DRG1: variants seen among roughly 807,000 people sequenced by gnomAD.
The protein encoded by DRG1 is developmentally-regulated GTP-binding protein 1.
DRG1 carries 19 observed loss-of-function variants against 38.8 expected under a neutral mutation model. That is an observed-to-expected ratio of 0.49 (90% CI 0.34 to 0.72). The LOEUF (loss-of-function observed/expected upper bound fraction) is 0.72, where lower values mean the gene tolerates loss of function less well. Among genes scored for constraint, DRG1 ranks in the 30% least tolerant of loss-of-function variants. The probability of loss-of-function intolerance (pLI) is 0.01; values close to 1 mark genes in which losing one functional copy is unlikely to be tolerated. For missense variants in DRG1, 299 were observed against 444.8 expected (o/e 0.67, Z 2.95); for synonymous variants, 167 against 157.5 (o/e 1.06, Z -0.45).
intron 8 of DRG1, among the ~76,000 whole-genome samples, chr22:31,432,002 A>G (rs1382555103): frequency 2.0e-5 from 3 of 151,930 alleles, no homozygotes; most frequent in Non-Finnish European, 4.4e-5. Context: ...GATAAGAAAC[A>G]TATCGAAGCA....
chr22:31,408,591 T>TAAATAAAAAA (rs896153945), intron 3 of DRG1, among the ~76,000 whole-genome samples: 1 of 151,492 alleles, frequency 6.6e-6, no homozygotes, highest in African/African-American at 2.4e-5. Context: ...CTACTAAAAA[T>TAAATAAAAAA]ACATAAAAAA....
chr22:31,420,311 A>C lies in DRG1; in HGVS notation c.468A>C (p.Gly156=), dbSNP rs2050069643. The change falls in exon 5 of 9, where the codon GGA becomes GGC. Residue 156 remains glycine (G), a synonymous_variant. Coordinates refer to ENST00000331457, the MANE Select transcript of DRG1 (RefSeq NM_004147.4). ...TTCTGGATGTCCTGAAACCTTTGGG[A>C]CATAAGAAGATAATTGAAAATGAGC... ...LIVLDVLKPL[G]HKKIIENELE... is the part of the protein sequence containing the mutation. The C allele has an allele frequency of 6.2e-7, 1 of 1,614,128 alleles. No homozygotes were observed. Among genetic ancestry groups the C allele is most frequent in the African/African-American group, 1.3e-5 (1 of 75,024 alleles).
intron 6 of DRG1, among the ~76,000 whole-genome samples, chr22:31,425,023 A>G (rs2050102155): frequency 6.7e-6 from 1 of 150,164 alleles, no homozygotes; most frequent in Non-Finnish European, 1.5e-5. Flanking sequence ...GGCTGGTCTC[A>G]AACCTCAGGC....
At chr22:31,400,005 C>G (rs1392684218) in intron 1 of DRG1, among the ~76,000 whole-genome samples, 2 of 152,136 alleles carry the variant, frequency 1.3e-5, no homozygotes, top group African/African-American at 4.8e-5. Context: ...AGTCCGTTCC[C>G]CCTCCCAGTG....
At chr22:31,408,752 C>CAAAAAA (rs66474618) in intron 3 of DRG1, among the ~76,000 whole-genome samples, 2 of 111,490 alleles carry the variant, frequency 1.8e-5, no homozygotes, top group Non-Finnish European at 3.5e-5. Flanking sequence ...GACTCATTCT[C>CAAAAAA]AAAAAAAAAA....
At position 31,424,729 on chromosome 22, in the gene DRG1, T is replaced by A. The variant is rs929580994; in HGVS notation, c.713+1319T>A. Among the ~76,000 whole-genome samples the A allele has an allele frequency of 2.7e-5, 4 of 147,726 alleles. No individual in the cohort carries two copies. The East Asian group carries it at 6.0e-4, about 22-fold the overall frequency. ...CCAGGCTGGTCTTGAACTCCTGACT[T>A]CAGGTGATCTACCCACCTCAGCCTC... On this transcript the variant is annotated intron_variant, in intron 6 of 8. Transcript: ENST00000331457.
At chr22:31,419,958 G>A (rs1305338111) in intron 4 of DRG1, among the ~76,000 whole-genome samples, 5 of 152,090 alleles carry the variant, frequency 3.3e-5, no homozygotes, top group Non-Finnish European at 5.9e-5. Flanking sequence ...GAGGAGAATC[G>A]CTTGAACCCG....
intron 7 of DRG1, 103 bp from the exon 8 acceptor site, chr22:31,426,957 G>A: frequency 6.5e-7 from 1 of 1,539,542 alleles, no homozygotes; most frequent in Non-Finnish European, 8.8e-7. Context: ...CCTTAAGTTG[G>A]AGGTTGTCCT....
chr22:31,402,366 ACT>A (rs761945246), intron 2 of DRG1, among the ~76,000 whole-genome samples: 6 of 151,336 alleles, frequency 4.0e-5, no homozygotes, highest in African/African-American at 7.3e-5. Flanking sequence ...CAAAAACAAA[ACT>A]CTTTTTAATT....
chr22:31,401,120 C>G (rs529166038), intron 2 of DRG1, among the ~76,000 whole-genome samples: 4 of 151,546 alleles, frequency 2.6e-5, no homozygotes, highest in African/African-American at 9.7e-5. Context: ...TGCACTGATA[C>G]AAAATAGATT....
At position 31,426,600 on chromosome 22, in the gene DRG1, C is replaced by T. The variant is rs1291076266; in HGVS notation, c.714-15C>T. The T allele has an allele frequency of 6.3e-7, 1 of 1,598,836 alleles. No individual in the cohort carries two copies. Among genetic ancestry groups the T allele is most frequent in the South Asian group, 1.1e-5 (1 of 88,540 alleles). ...AACTCCAGACTAATACCCTGTTTTT[C>T]TTCACTTTCTGTAGAGTTTATATCC... On this transcript the variant is annotated splice_polypyrimidine_tract_variant and intron_variant, in intron 6 of 8. Transcript: ENST00000331457.
chr22:31,429,758 G>T (rs1043094386), intron 8 of DRG1, among the ~76,000 whole-genome samples: 3 of 151,904 alleles, frequency 2.0e-5, no homozygotes, highest in African/African-American at 7.3e-5. Context: ...GCCTCAGCCT[G>T]CCTCAGCCTC....
At position 31,430,829 on chromosome 22, in the gene DRG1, C is replaced by G. The variant is rs1264513655; in HGVS notation, c.1005-3043C>G. Among the ~76,000 whole-genome samples, 4 of 152,036 alleles carry G rather than the reference C, an allele frequency of 2.6e-5. No homozygotes were observed. In the East Asian group the frequency reaches 5.8e-4, roughly 22 times the overall value. On this transcript the variant is annotated intron_variant, in intron 8 of 8. Coordinates refer to ENST00000331457, the MANE Select transcript of DRG1 (RefSeq NM_004147.4). ...GACTTCCCAGGCTCAAGCGATCCTC[C>G]TACCTCAGTTTCTGAATAGCTGAGA...
chr22:31,399,667 A>G lies in DRG1; in HGVS notation c.-17A>G, dbSNP rs957141612. ...TGTGAAGGGAGACAGTGTGGAGGCCACAGGGTACTCGCCACGATGAGCAGC... is the reference window on the plus strand; with the variant it reads ...TGTGAAGGGAGACAGTGTGGAGGCCGCAGGGTACTCGCCACGATGAGCAGC... On this transcript the variant is annotated 5_prime_UTR_variant, in exon 1 of 9. Transcript: ENST00000331457. 6.2e-7 allele frequency: 1 copy of G among 1,614,050 alleles called. No individual in the cohort carries two copies.
At chr22:31,427,542 AC>A (rs931828066) in intron 8 of DRG1, among the ~76,000 whole-genome samples, 3 of 152,160 alleles carry the variant, frequency 2.0e-5, no homozygotes, top group African/African-American at 4.8e-5. Context: ...CTAATCTCTT[AC>A]ATTTTTCACT....
intron 4 of DRG1, among the ~76,000 whole-genome samples, chr22:31,411,931 C>T (rs1478065034): frequency 1.3e-5 from 2 of 151,880 alleles, no homozygotes; most frequent in African/African-American, 4.8e-5. Context: ...CTGTTGAGTC[C>T]AATAGTTAGA....
chr22:31,402,194 G>T (rs1456032972), intron 2 of DRG1, among the ~76,000 whole-genome samples: 1 of 152,100 alleles, frequency 6.6e-6, no homozygotes, highest in African/African-American at 2.4e-5. Flanking sequence ...AGCCAAGCGA[G>T]ATAAGATTTA....
chr22:31,426,050 A>G (rs996123879), intron 6 of DRG1, among the ~76,000 whole-genome samples: 51 of 152,208 alleles, frequency 3.4e-4, no homozygotes, highest in African/African-American at 1.2e-3. Flanking sequence ...TTGTACCAAT[A>G]AATAAAACAC....
chr22:31,405,719 T>TA (rs1251892562), intron 3 of DRG1, among the ~76,000 whole-genome samples: 1 of 151,928 alleles, frequency 6.6e-6, no homozygotes, highest in Non-Finnish European at 1.5e-5. Context: ...GACGGAGTCT[T>TA]ACTCTGTTGC....
Sources: gnomAD v4.1 joint callset for allele counts (sites outside exome capture counted in the v4.1 genomes callset) on GRCh38, gnomAD v4.1.1 for gene constraint, MANE v1.5 for transcripts, NCBI Gene and HGNC (gene_info 2026-07-23, HGNC 2026-07-21) for gene names.